The following PTPRQ variants were observed in gnomAD, a reference collection of about 807,000 sequenced individuals.
The protein encoded by PTPRQ is phosphatidylinositol phosphatase PTPRQ.
In PTPRQ, 199 loss-of-function variants were observed where a neutral mutation model predicts 246.0. The observed-to-expected ratio is 0.81, with a 90% CI of 0.72 to 0.91. The LOEUF (loss-of-function observed/expected upper bound fraction) is 0.91. Ranked by LOEUF, PTPRQ falls within the 40% of genes least tolerant of loss-of-function variation. The pLI, the probability that PTPRQ is intolerant of heterozygous loss-of-function variation, is 0.00. For missense variants in PTPRQ, 2,624 were observed against 2,528.4 expected, an observed-to-expected ratio of 1.04 and a Z score of -0.81; for synonymous variants, 869 against 853.2, an observed-to-expected ratio of 1.02 and a Z score of -0.32.
intron 23 of PTPRQ, among the ~76,000 whole-genome samples, chr12:80,543,632 G>A (rs1460668969): frequency 6.6e-6 from 1 of 152,056 alleles, no homozygotes; most frequent in Non-Finnish European, 1.5e-5. Flanking sequence ...TCAATATTAT[G>A]AGTATTACAA....
At chr12:80,484,694 G>A (rs1177347056) in intron 9 of PTPRQ, 89 bp downstream of exon 9, 2 of 1,465,356 alleles carry the variant, frequency 1.4e-6, no homozygotes, top group African/African-American at 2.9e-5. Context: ...ACCCACACAT[G>A]TAATATTTGA....
chr12:80,611,776 A>G (rs1326243302), intron 28 of PTPRQ, among the ~76,000 whole-genome samples: 1 of 150,490 alleles, frequency 6.6e-6, no homozygotes, highest in East Asian at 1.9e-4. Context: ...TATCTGACTT[A>G]AAATCACATC....
At chr12:80,475,319 G>T (rs1286484408) in intron 8 of PTPRQ, among the ~76,000 whole-genome samples, 1 of 152,042 alleles carries the variant, frequency 6.6e-6, no homozygotes, top group Non-Finnish European at 1.5e-5. Context: ...TCATCGAGCA[G>T]CATTAATTTT....
intron 39 of PTPRQ, among the ~76,000 whole-genome samples, chr12:80,665,700 A>G (rs1434002820): frequency 1.3e-5 from 2 of 152,092 alleles, no homozygotes; most frequent in Non-Finnish European, 2.9e-5. Context: ...CAAACTATTC[A>G]TCCAACAAGG....
chr12:80,541,557 C>G lies in PTPRQ; in HGVS notation c.3157C>G (p.Pro1053Ala). 1 of 1,509,334 alleles carries G rather than the reference C, an allele frequency of 6.6e-7. No individual in the cohort carries two copies. The highest frequency in any genetic ancestry group is 8.9e-7 in the Non-Finnish European group (1 of 1,126,416). The allele number at this position is 1,509,334 out of a possible 1,614,324, so 93.5% of individuals were successfully genotyped here. ...ATTTTGCCCATTACCTATCATAGTA[C>G]CTGAAGGGTTTGTTGGAAACCTGAC... ...IIEVYTDQDI[P>A]EGFVGNLTYE... is the part of the protein sequence containing the mutation. The change falls in exon 21 of 45, where the codon CCT (proline) becomes GCT (alanine). Residue 1053 changes from proline (P) to alanine (A), a missense_variant and splice_region_variant. Coordinates refer to ENST00000644991, the MANE Select transcript of PTPRQ (RefSeq NM_001145026.2).
At chr12:80,609,546 T>G (rs932920256) in intron 27 of PTPRQ, among the ~76,000 whole-genome samples, 4 of 150,632 alleles carry the variant, frequency 2.7e-5, no homozygotes, top group African/African-American at 9.7e-5. Flanking sequence ...AGTTTAGTTA[T>G]GTTTAATATC....
intron 39 of PTPRQ, among the ~76,000 whole-genome samples, chr12:80,661,235 A>G: frequency 6.7e-6 from 1 of 150,022 alleles, no homozygotes; most frequent in Non-Finnish European, 1.5e-5. Context: ...ATAAACACAT[A>G]TATGTGTGTA....
rs887253198 is a variant in PTPRQ at position 80,670,499 on chromosome 12, A to G, written c.6602+7A>G. The G allele has an allele frequency of 6.5e-7, 1 of 1,533,320 alleles. No homozygotes were observed. Among genetic ancestry groups the G allele is most frequent in the Admixed American group, 2.1e-5 (1 of 47,932 alleles). The allele number at this position is 1,533,320 out of a possible 1,614,324, so 95.0% of individuals were successfully genotyped here. A position where few individuals can be genotyped will look rare whatever the true frequency, so the allele number is the denominator to read the frequency against. ...CTATGATTGTTCACTGCAGGTGAGAAAGTGATCAGAAATGGCCTTTGAACC... is the reference window on the plus strand; with the variant it reads ...CTATGATTGTTCACTGCAGGTGAGAGAGTGATCAGAAATGGCCTTTGAACC... On this transcript the variant is annotated splice_region_variant and intron_variant, in intron 42 of 44. Transcript: ENST00000644991.
intron 3 of PTPRQ, among the ~76,000 whole-genome samples, chr12:80,450,886 G>A (rs536189830): frequency 3.3e-5 from 5 of 152,306 alleles, no homozygotes; most frequent in Non-Finnish European, 5.9e-5. Context: ...GATGATGCTG[G>A]CCTCATAAAA....
chr12:80,511,854 A>G (rs1895136080), intron 17 of PTPRQ, among the ~76,000 whole-genome samples: 1 of 152,220 alleles, frequency 6.6e-6, no homozygotes, highest in Non-Finnish European at 1.5e-5. Flanking sequence ...AAAGTTCAGG[A>G]GTCAAGCCAT....
chr12:80,598,600 T>C (rs1487039696), intron 26 of PTPRQ, among the ~76,000 whole-genome samples: 1 of 151,914 alleles, frequency 6.6e-6, no homozygotes, highest in Non-Finnish European at 1.5e-5. Context: ...TCCTTGAAGT[T>C]GTTAATATTT....
chr12:80,647,195 C>T lies in PTPRQ; in HGVS notation c.5916-1702C>T, dbSNP rs181412039. On this transcript the variant is annotated intron_variant, in intron 35 of 44. Transcript: ENST00000644991. ...TCACTGTCCTTATATAGGTGGACTA[C>T]TAGCCTGTCACTAAATCATATATAT... Among the ~76,000 whole-genome samples the T allele has an allele frequency of 3.4e-3, 523 of 152,254 alleles. 2 individuals carry two copies. Among genetic ancestry groups the T allele is most frequent in the African/African-American group, 0.012 (494 of 41,548 alleles).
In PTPRQ at chr12:80,501,365, G is replaced by A. The variant is rs192808205; in HGVS notation, c.2273-4659G>A. 4.6e-5 allele frequency among the ~76,000 whole-genome samples: 7 copies of A among 152,144 alleles called. No individual in the cohort carries two copies. The East Asian group carries it at 1.4e-3, about 29-fold the overall frequency. ...ATAAACTATTAGATTGTTTGTCTGAGTATCTGGGTGAGTGGTAGTGCCATT... is the reference window on the plus strand; with the variant it reads ...ATAAACTATTAGATTGTTTGTCTGAATATCTGGGTGAGTGGTAGTGCCATT... On this transcript the variant is annotated intron_variant, in intron 14 of 44. Coordinates refer to ENST00000644991, the MANE Select transcript of PTPRQ (RefSeq NM_001145026.2).
rs1026185033 is a variant in PTPRQ, at chr12:80,479,020, A to T, written c.1187-5413A>T. 8.1e-3 allele frequency among the ~76,000 whole-genome samples: 1,238 copies of T among 152,020 alleles called. 16 individuals are homozygous for T. Among genetic ancestry groups the T allele is most frequent in the African/African-American group, 0.029 (1,179 of 41,356 alleles). The stretch of plus-strand genomic sequence containing the variant: ...GCCAACGTTCAGATTCAGGAAATAC[A>T]GAGAACACCACAAAGATACTCCTTG... On this transcript the variant is annotated intron_variant, in intron 8 of 44. Transcript: ENST00000644991.
At position 80,542,195 on chromosome 12, in the gene PTPRQ, T is replaced by C. The variant is rs1003053979; in HGVS notation, c.3552T>C (p.Tyr1184=). ...PVKPNGAIIS[Y]DLTLQGPNEN... is the part of the protein sequence containing the mutation. ...AGCCAAATGGTGCAATAATAAGTTA[T>C]GATTTAACTTTACAAGGACCAAATG... The change falls in exon 22 of 45, where the codon TAT becomes TAC. Residue 1184 remains tyrosine, a synonymous_variant. Coordinates refer to ENST00000644991, the MANE Select transcript of PTPRQ (RefSeq NM_001145026.2). The C allele has an allele frequency of 9.4e-5, 146 of 1,551,042 alleles. No individual in the cohort carries two copies. The highest frequency in any genetic ancestry group is 1.2e-4 in the Non-Finnish European group (140 of 1,146,634).
intron 38 of PTPRQ, among the ~76,000 whole-genome samples, chr12:80,654,577 G>T (rs2121238595): frequency 6.6e-6 from 1 of 152,088 alleles, no homozygotes; most frequent in African/African-American, 2.4e-5. Flanking sequence ...GCCTGGCGCG[G>T]TGGCTCACGC....
intron 26 of PTPRQ, among the ~76,000 whole-genome samples, chr12:80,596,192 G>T (rs1897965155): frequency 6.6e-6 from 1 of 151,706 alleles, no homozygotes; most frequent in South Asian, 2.1e-4. Context: ...GAGATATATG[G>T]GTGAAATCAT....
At chr12:80,605,749 T>C (rs890693692) in intron 27 of PTPRQ, among the ~76,000 whole-genome samples, 3 of 150,536 alleles carry the variant, frequency 2.0e-5, no homozygotes, top group Non-Finnish European at 4.5e-5. Flanking sequence ...GCTATAGCAT[T>C]AAAAAAAATA....
intron 17 of PTPRQ, among the ~76,000 whole-genome samples, chr12:80,530,585 A>T (rs1289289983): frequency 6.6e-6 from 1 of 152,206 alleles, no homozygotes; most frequent in Non-Finnish European, 1.5e-5. Flanking sequence ...AAAAAACCAT[A>T]AATAAGTTTA....
Sources: allele counts gnomAD v4.1 joint callset (sites outside exome capture counted in the v4.1 genomes callset), GRCh38; gene constraint gnomAD v4.1.1; transcripts MANE v1.5; gene names NCBI Gene and HGNC (gene_info 2026-07-23, HGNC 2026-07-21).